The following MED13L variants were observed in gnomAD, a reference collection of about 807,000 sequenced individuals.
MED13L encodes mediator of RNA polymerase II transcription subunit 13-like.
MED13L carries 7 observed loss-of-function variants against 220.9 expected under a neutral mutation model. That is an observed-to-expected ratio of 0.03 (90% confidence interval 0.02 to 0.06). The LOEUF is 0.06. Ranked by LOEUF, MED13L falls within the 10% of genes least tolerant of loss-of-function variation. The probability of loss-of-function intolerance (pLI) is 1.00; values close to 1 mark genes in which losing one functional copy is unlikely to be tolerated. For missense variants in MED13L, 1,965 were observed against 2,760.5 expected (o/e 0.71, Z 6.46); for synonymous variants, 1,011 against 1,015.2 (o/e 1.00, Z 0.08).
chr12:116,068,403 T>G (rs1222229553), intron 4 of MED13L, among the ~76,000 whole-genome samples: 1 of 152,246 alleles, frequency 6.6e-6, no homozygotes, highest in African/African-American at 2.4e-5. Context: ...TATATTTTGC[T>G]AATTATCATT....
At position 116,237,324 on chromosome 12, in the gene MED13L, G is replaced by T. The variant is rs924830666; in HGVS notation, c.310+144C>A. ...AAAAAACAGGGATGGGAGGAAGAGG[G>T]GTGAGAATGTTCCTTTTGAGAGAGA... is the stretch of plus-strand genomic sequence containing the variant. On this transcript the variant is annotated intron_variant, in intron 2 of 30. Coordinates refer to ENST00000281928, the MANE Select transcript of MED13L (RefSeq NM_015335.5). 7.0e-6 allele frequency: 5 copies of T among 716,976 alleles called. No individual in the cohort carries two copies. In the Middle Eastern group the frequency reaches 1.1e-3, roughly 154 times the overall value. 44.4% of individuals were successfully genotyped at this position (716,976 alleles called of 1,614,324 possible).
intron 1 of MED13L, among the ~76,000 whole-genome samples, chr12:116,274,428 A>AC (rs915622967): frequency 2.9e-4 from 44 of 151,430 alleles, no homozygotes; most frequent in Middle Eastern, 3.4e-3. Flanking sequence ...ACAAAACAAA[A>AC]AAAAAAAAAA....
At chr12:116,075,910 ATTTTTTTT>A (rs774757433) in intron 4 of MED13L, among the ~76,000 whole-genome samples, 1 of 134,252 alleles carries the variant, frequency 7.4e-6, no homozygotes, top group Non-Finnish European at 1.6e-5. Context: ...GAGCCAGAAG[ATTTTTTTT>A]TTTTTTTTTT....
intron 2 of MED13L, among the ~76,000 whole-genome samples, chr12:116,213,373 T>C (rs1441779926): frequency 6.7e-6 from 1 of 148,916 alleles, no homozygotes; most frequent in East Asian, 2.0e-4. Context: ...ACTAAAATTA[T>C]TTGCAAGTTT....
Position 115,975,621 on chromosome 12 carries a change from C to T in MED13L, c.5482G>A (p.Val1828Met), listed in dbSNP as rs202075689. The T allele has an allele frequency of 3.1e-6, 5 of 1,613,948 alleles. No homozygotes were observed. In the African/African-American group the frequency reaches 5.3e-5, roughly 17 times the overall value. Residue 1828 changes from valine (V) to methionine (M), a missense_variant, in exon 24 of 31, where the codon GTG (valine) becomes ATG (methionine). Val to Met is a conservative substitution (Grantham distance 21). Transcript: ENST00000281928. ...EASQKYNVLF[V>M]GYCLSHDQRW... ...TGGTCGTGAGACAGACAATAGCCCACGAAGAGCACATTGTATTTCTGGCTC... is the reference window on the plus strand; with the variant it reads ...TGGTCGTGAGACAGACAATAGCCCATGAAGAGCACATTGTATTTCTGGCTC...
intron 4 of MED13L, among the ~76,000 whole-genome samples, chr12:116,072,681 T>C (rs928665895): frequency 3.3e-5 from 5 of 152,204 alleles, no homozygotes; most frequent in African/African-American, 1.2e-4. Context: ...CTTGAACTCC[T>C]TGTTAAGCCA....
At chr12:116,084,946 C>T (rs1038036448) in intron 4 of MED13L, among the ~76,000 whole-genome samples, 5 of 152,094 alleles carry the variant, frequency 3.3e-5, no homozygotes, top group Non-Finnish European at 7.3e-5. Context: ...TCTCAGTTAA[C>T]ATGGACATAC....
At chr12:115,997,281 A>T (rs1878464592) in intron 14 of MED13L, 51 bp from the exon 15 acceptor site, 1 of 1,526,444 alleles carries the variant, frequency 6.6e-7, no homozygotes, top group Admixed American at 1.7e-5. Context: ...GCTTCTAAAA[A>T]GTCCTAGCTT....
chr12:116,013,872 T>G (rs748166198), intron 8 of MED13L, among the ~76,000 whole-genome samples: 22 of 152,306 alleles, frequency 1.4e-4, no homozygotes, highest in Non-Finnish European at 2.8e-4. Context: ...TGTTCTGTAC[T>G]GCTGAGAAAG....
At chr12:116,184,342 GT>G (rs928381399) in intron 2 of MED13L, among the ~76,000 whole-genome samples, 4 of 152,074 alleles carry the variant, frequency 2.6e-5, no homozygotes, top group African/African-American at 9.7e-5. Flanking sequence ...CCAAAATAAA[GT>G]TTTTTTAAGT....
intron 2 of MED13L, among the ~76,000 whole-genome samples, chr12:116,127,676 G>A (rs556453690): frequency 1.3e-5 from 2 of 152,228 alleles, no homozygotes; most frequent in Admixed American, 6.5e-5. Flanking sequence ...TTGTCATCCC[G>A]TTTCTTTTAC....
rs907107505 is a variant in MED13L at position 116,058,292 on chromosome 12, C to T, written c.480-35691G>A. On this transcript the variant is annotated intron_variant, in intron 4 of 30. Transcript: ENST00000281928. The stretch of plus-strand genomic sequence containing the variant: ...CCTTCTAAGCTCATGTGATTTCCTA[C>T]TTTATGTAGTAAAGAAGGACACAAA... Among the ~76,000 whole-genome samples the T allele has an allele frequency of 3.3e-5, 5 of 152,162 alleles. No individual in the cohort carries two copies. The South Asian group carries it at 8.3e-4, about 25-fold the overall frequency.
intron 2 of MED13L, among the ~76,000 whole-genome samples, chr12:116,189,038 C>T (rs1191098631): frequency 2.0e-5 from 3 of 152,170 alleles, no homozygotes; most frequent in Non-Finnish European, 4.4e-5. Context: ...TAGGTTTCTG[C>T]ACAAACATAC....
chr12:116,156,240 G>A (rs1203144893), intron 2 of MED13L, among the ~76,000 whole-genome samples: 1 of 151,638 alleles, frequency 6.6e-6, no homozygotes, highest in African/African-American at 2.4e-5. Context: ...ACCATATGAT[G>A]AATGTCTCCA....
At chr12:116,115,331 CAT>C (rs1874417593) in intron 2 of MED13L, among the ~76,000 whole-genome samples, 2 of 151,824 alleles carry the variant, frequency 1.3e-5, no homozygotes, top group Admixed American at 1.3e-4. Context: ...AACCTCAAAC[CAT>C]ATAGAAAAAG....
At chr12:116,189,819 AT>A (rs1461685751) in intron 2 of MED13L, among the ~76,000 whole-genome samples, 1 of 152,146 alleles carries the variant, frequency 6.6e-6, no homozygotes, top group East Asian at 1.9e-4. Context: ...TGTATTTTTA[AT>A]TTTTGTGTAC....
At chr12:116,022,710 G>T in intron 4 of MED13L, 109 bp from the exon 5 acceptor site, 2 of 1,177,064 alleles carry the variant, frequency 1.7e-6, no homozygotes, top group Non-Finnish European at 2.4e-6. Flanking sequence ...GTCCAGTAAG[G>T]CTGACTTCTA....
At chr12:116,240,719 G>A (rs1232411308) in intron 1 of MED13L, among the ~76,000 whole-genome samples, 2 of 150,776 alleles carry the variant, frequency 1.3e-5, no homozygotes. Flanking sequence ...TGTATTTTTA[G>A]TAGAGACGGG....
chr12:115,972,748 C>T (rs777175135), intron 25 of MED13L, among the ~76,000 whole-genome samples: 20 of 152,134 alleles, frequency 1.3e-4, no homozygotes, highest in African/African-American at 3.6e-4. Flanking sequence ...GAGCTCACAA[C>T]GAGTGTGAGT....
Sources: allele counts gnomAD v4.1 joint callset (sites outside exome capture counted in the v4.1 genomes callset), GRCh38; gene constraint gnomAD v4.1.1; transcripts MANE v1.5; gene names NCBI Gene and HGNC (gene_info 2026-07-23, HGNC 2026-07-21).